The following KIZ variants were observed in gnomAD, a reference collection of about 807,000 sequenced individuals.
KIZ encodes the protein centrosomal protein kizuna.
In KIZ, 68 loss-of-function variants were observed where a neutral mutation model predicts 79.6. The observed-to-expected ratio is 0.85, with a 90% CI of 0.70 to 1.05. The LOEUF (loss-of-function observed/expected upper bound fraction) is 1.05. Among genes scored for constraint, KIZ ranks in the 50% least tolerant of loss-of-function variants. KIZ has a pLI of 0.00. For missense variants in KIZ, 797 were observed against 800.4 expected (o/e 1.00, Z 0.05); for synonymous variants, 280 against 281.8 (o/e 0.99, Z 0.06).
intron 6 of KIZ, among the ~76,000 whole-genome samples, chr20:21,173,864 A>G (rs1462097009): frequency 6.6e-6 from 1 of 152,174 alleles, no homozygotes; most frequent in Non-Finnish European, 1.5e-5. Flanking sequence ...CTAGATAAAT[A>G]CATTTGTAAA....
At chr20:21,152,399 G>A (rs2033162835) in intron 4 of KIZ, among the ~76,000 whole-genome samples, 1 of 152,176 alleles carries the variant, frequency 6.6e-6, no homozygotes, top group Non-Finnish European at 1.5e-5. Flanking sequence ...GTGGGGGAGT[G>A]TGAGTTGCTT....
intron 1 of KIZ, among the ~76,000 whole-genome samples, chr20:21,128,958 C>T (rs1237882867): frequency 2.6e-5 from 4 of 152,100 alleles, no homozygotes; most frequent in African/African-American, 9.7e-5. Flanking sequence ...GACCACTTAG[C>T]TGTGTAAAAC....
chr20:21,162,416 C>T lies in KIZ; in HGVS notation c.951C>T (p.Ser317=). 1 of 1,612,966 alleles carries T rather than the reference C, an allele frequency of 6.2e-7. No individual in the cohort carries two copies. Among genetic ancestry groups the T allele is most frequent in the Admixed American group, 1.7e-5 (1 of 59,968 alleles). ...TTGAAGTTGAGGAAAAAAGAGCCAG[C>T]CCGCCAGTCTCTCCGATACCAGTTT... ...EHIEVEEKRA[S]PPVSPIPVSE... Residue 317 remains serine, a synonymous_variant, in exon 5 of 13, where the codon AGC becomes AGT. Coordinates refer to ENST00000619189, the MANE Select transcript of KIZ (RefSeq NM_018474.6).
intron 11 of KIZ, among the ~76,000 whole-genome samples, chr20:21,238,894 C>T (rs1439066972): frequency 2.6e-5 from 4 of 152,166 alleles, no homozygotes; most frequent in East Asian, 1.9e-4. Flanking sequence ...TCAGGTTCCT[C>T]GAGGAAGAAA....
At chr20:21,137,366 A>C (rs2032252812) in intron 3 of KIZ, among the ~76,000 whole-genome samples, 1 of 151,816 alleles carries the variant, frequency 6.6e-6, no homozygotes, top group South Asian at 2.1e-4. Context: ...CTTTATCCTC[A>C]CCATTTGCAC....
intron 11 of KIZ, among the ~76,000 whole-genome samples, chr20:21,238,584 C>T (rs960615305): frequency 2.0e-5 from 3 of 152,120 alleles, no homozygotes; most frequent in Non-Finnish European, 4.4e-5. Context: ...TGTCTGGCTT[C>T]GGGCCCTGAC....
At chr20:21,193,824 G>A (rs971882257) in intron 6 of KIZ, among the ~76,000 whole-genome samples, 3 of 131,756 alleles carry the variant, frequency 2.3e-5, no homozygotes, top group Non-Finnish European at 4.7e-5. Context: ...ATGGACCCAG[G>A]AAGGGGAACA....
chr20:21,204,105 G>GTTTTTTTTTTT (rs71330816), intron 6 of KIZ, among the ~76,000 whole-genome samples: 1 of 74,998 alleles, frequency 1.3e-5, no homozygotes, highest in Non-Finnish European at 2.5e-5. Context: ...AGTCATCTAT[G>GTTTTTTTTTTT]TTTTTTTTTT....
intron 6 of KIZ, chr20:21,166,586 A>G: frequency 7.4e-7 from 1 of 1,344,518 alleles, no homozygotes. Context: ...CAGGACATTC[A>G]TGCGCACCAT....
At chr20:21,181,891 A>G (rs116771995) in intron 6 of KIZ, among the ~76,000 whole-genome samples, 3,045 of 152,318 alleles carry the variant, frequency 0.02, 95 homozygotes, top group African/African-American at 0.068. Flanking sequence ...CAAGAAGTGC[A>G]TTTGTTCTGT....
At chr20:21,167,535 C>G (rs1465575370) in intron 6 of KIZ, among the ~76,000 whole-genome samples, 1 of 148,702 alleles carries the variant, frequency 6.7e-6, no homozygotes, top group Non-Finnish European at 1.5e-5. Flanking sequence ...GTTTCTCATG[C>G]TAGTGGGTTT....
chr20:21,126,124 G>C lies in KIZ; in HGVS notation c.9G>C (p.Arg3=). 6.6e-7 allele frequency: 1 copy of C among 1,515,462 alleles called. No homozygotes were observed. Among genetic ancestry groups the C allele is most frequent in the South Asian group, 1.2e-5 (1 of 81,188 alleles). 93.9% of individuals were successfully genotyped at this position (1,515,462 alleles called of 1,614,324 possible). A position where few individuals can be genotyped will look rare whatever the true frequency, so the allele number is the denominator to read the frequency against. Residue 3 remains arginine, a synonymous_variant, in exon 1 of 13, where the codon CGG becomes CGC. Transcript: ENST00000619189. ...GGCGCAGCGGCAGCAGCATGAGCCG[G>C]ACCCTCGCATCGGCCGTGCCCCTGT... MS[R]TLASAVPLSS...
intron 11 of KIZ, among the ~76,000 whole-genome samples, chr20:21,241,207 A>G (rs1487441367): frequency 6.6e-6 from 1 of 152,248 alleles, no homozygotes; most frequent in Non-Finnish European, 1.5e-5. Context: ...AGGCTTCTCC[A>G]TCAGCCTTGC....
At chr20:21,240,132 ATT>A in intron 11 of KIZ, among the ~76,000 whole-genome samples, 1 of 150,402 alleles carries the variant, frequency 6.6e-6, no homozygotes, top group African/African-American at 2.4e-5. Flanking sequence ...TTAATTAACT[ATT>A]TTTTTTTTGA....
chr20:21,157,776 G>A (rs1433779209), intron 4 of KIZ, among the ~76,000 whole-genome samples: 1 of 152,160 alleles, frequency 6.6e-6, no homozygotes, highest in East Asian at 1.9e-4. Context: ...GCCTTCTTTT[G>A]TGCTTTGGCT....
chr20:21,168,692 G>T (rs1481310418), intron 6 of KIZ, among the ~76,000 whole-genome samples: 1 of 152,074 alleles, frequency 6.6e-6, no homozygotes, highest in Non-Finnish European at 1.5e-5. Flanking sequence ...ATACTACAAG[G>T]CTACAGTAAC....
intron 4 of KIZ, among the ~76,000 whole-genome samples, chr20:21,149,365 A>G (rs1568921335): frequency 2.0e-5 from 3 of 152,236 alleles, no homozygotes; most frequent in South Asian, 4.1e-4. Context: ...TTTGAGCTGA[A>G]TCAGGTGAGC....
chr20:21,204,105 G>GTTTTTTT (rs71330816), intron 6 of KIZ, among the ~76,000 whole-genome samples: 2 of 74,996 alleles, frequency 2.7e-5, no homozygotes, highest in Non-Finnish European at 5.0e-5. Flanking sequence ...AGTCATCTAT[G>GTTTTTTT]TTTTTTTTTT....
At chr20:21,239,432 T>C (rs748446698) in intron 11 of KIZ, among the ~76,000 whole-genome samples, 26 of 152,252 alleles carry the variant, frequency 1.7e-4, no homozygotes, top group Non-Finnish European at 2.9e-4. Context: ...TGGCTCGCTC[T>C]GTGTGTCTTA....
Sources: allele counts gnomAD v4.1 joint callset (sites outside exome capture counted in the v4.1 genomes callset), GRCh38; gene constraint gnomAD v4.1.1; transcripts MANE v1.5; gene names NCBI Gene and HGNC (gene_info 2026-07-23, HGNC 2026-07-21).